The following LHFPL3 variants were observed in gnomAD, a reference collection of about 807,000 sequenced individuals.
The protein encoded by LHFPL3 is LHFPL tetraspan subfamily member 3 protein.
In LHFPL3, 5 loss-of-function variants were observed where a neutral mutation model predicts 19.3. The observed-to-expected ratio is 0.26, with a 90% CI of 0.14 to 0.54. LHFPL3 has a LOEUF of 0.54. LHFPL3 is among the 20% of genes least tolerant of loss of function. The pLI is 0.94. For missense variants in LHFPL3, 249 were observed against 307.4 expected (o/e 0.81, Z 1.42); for synonymous variants, 133 against 126.2 (o/e 1.05, Z -0.36).
chr7:104,556,637 C>T (rs1445611855), intron 1 of LHFPL3, among the ~76,000 whole-genome samples: 1 of 152,190 alleles, frequency 6.6e-6, no homozygotes, highest in Non-Finnish European at 1.5e-5. Context: ...TCTGACATGC[C>T]CTGGAGACAT....
chr7:104,821,409 G>T (rs911794517), intron 2 of LHFPL3, among the ~76,000 whole-genome samples: 3 of 152,266 alleles, frequency 2.0e-5, no homozygotes, highest in African/African-American at 7.2e-5. Context: ...GTGGGCAAGA[G>T]CCGGTTTCAT....
chr7:104,800,501 C>T (rs560740181), intron 2 of LHFPL3, among the ~76,000 whole-genome samples: 2 of 152,318 alleles, frequency 1.3e-5, no homozygotes, highest in South Asian at 4.1e-4. Context: ...TTGTCTCAAA[C>T]ACCCACAACC....
intron 1 of LHFPL3, among the ~76,000 whole-genome samples, chr7:104,627,748 C>T (rs894674657): frequency 6.6e-6 from 1 of 152,158 alleles, no homozygotes; most frequent in Non-Finnish European, 1.5e-5. Context: ...GGGACAGTTC[C>T]TTGCACACTG....
intron 2 of LHFPL3, among the ~76,000 whole-genome samples, chr7:104,808,840 C>CTGT (rs1432579064): frequency 6.6e-6 from 1 of 151,034 alleles, no homozygotes; most frequent in African/African-American, 2.4e-5. Context: ...TCATTAATCA[C>CTGT]TGTTTGGTCC....
intron 1 of LHFPL3, among the ~76,000 whole-genome samples, chr7:104,485,889 CT>C (rs1793226207): frequency 6.6e-6 from 1 of 152,102 alleles, no homozygotes; most frequent in African/African-American, 2.4e-5. Flanking sequence ...GTTTTCTGTC[CT>C]TGTGTCTATC....
chr7:104,407,055 T>C (rs986306031), intron 1 of LHFPL3, among the ~76,000 whole-genome samples: 2 of 152,110 alleles, frequency 1.3e-5, no homozygotes, highest in Admixed American at 6.5e-5. Flanking sequence ...TGTTGTACAA[T>C]GGGGATCACA....
At chr7:104,466,777 G>T (rs921187050) in intron 1 of LHFPL3, among the ~76,000 whole-genome samples, 1 of 152,206 alleles carries the variant, frequency 6.6e-6, no homozygotes, top group African/African-American at 2.4e-5. Flanking sequence ...CTTCTGGTGA[G>T]AATCAAATGA....
chr7:104,587,168 G>A (rs182078127), intron 1 of LHFPL3, among the ~76,000 whole-genome samples: 8 of 152,154 alleles, frequency 5.3e-5, no homozygotes, highest in Admixed American at 1.3e-4. Flanking sequence ...TGTGCACAAC[G>A]TGCAGGTCTG....
At chr7:104,882,487 A>T (rs1394403866) in intron 2 of LHFPL3, among the ~76,000 whole-genome samples, 1 of 152,152 alleles carries the variant, frequency 6.6e-6, no homozygotes, top group African/African-American at 2.4e-5. Flanking sequence ...ACCTCAGATG[A>T]TCTGCCCACC....
At chr7:104,820,424 C>T (rs545151032) in intron 2 of LHFPL3, among the ~76,000 whole-genome samples, 2 of 152,256 alleles carry the variant, frequency 1.3e-5, no homozygotes, top group African/African-American at 4.8e-5. Context: ...TTTTCATAAG[C>T]CAACCATGCC....
At chr7:104,580,858 A>G (rs1790447118) in intron 1 of LHFPL3, among the ~76,000 whole-genome samples, 1 of 152,034 alleles carries the variant, frequency 6.6e-6, no homozygotes, top group African/African-American at 2.4e-5. Context: ...ATGTTGTTGC[A>G]TGTATCACAA....
rs141541801 is a variant in LHFPL3, at chr7:104,450,983, G to A, written c.445+121759G>A. ...TGAATGGATGTGGCTCCTACAAACCGTCCTCAACTTCTTCCCTTCACCCTT... is the reference window on the plus strand; with the variant it reads ...TGAATGGATGTGGCTCCTACAAACCATCCTCAACTTCTTCCCTTCACCCTT... On this transcript the variant is annotated intron_variant, in intron 1 of 2. Transcript: ENST00000424859. Among the ~76,000 whole-genome samples the A allele has an allele frequency of 2.5e-3, 378 of 152,146 alleles. 3 individuals carry two copies. Among genetic ancestry groups the A allele is most frequent in the African/African-American group, 8.5e-3 (351 of 41,498 alleles).
intron 2 of LHFPL3, among the ~76,000 whole-genome samples, chr7:104,747,431 T>TC (rs946328223): frequency 1.6e-3 from 249 of 152,142 alleles, no homozygotes; most frequent in African/African-American, 4.3e-3. Flanking sequence ...AAGACAAGAA[T>TC]CCCCCGTGTA....
rs1554393201 is a variant in LHFPL3 at position 104,430,436 on chromosome 7, A to ATG, written c.445+101213_445+101214insGT. ...TATATATACATATATATATATATATATATATATATATATATATATTTTTTT... is the reference window on the plus strand; with the variant it reads ...TATATATACATATATATATATATATATGTATATATATATATATATATTTTTTT... On this transcript the variant is annotated intron_variant, in intron 1 of 2. Coordinates refer to ENST00000424859, the MANE Select transcript of LHFPL3 (RefSeq NM_199000.3). Among the ~76,000 whole-genome samples, 34 of 13,082 alleles carry ATG rather than the reference A, an allele frequency of 2.6e-3. 1 individual carries two copies. Among genetic ancestry groups the ATG allele is most frequent in the Non-Finnish European group, 4.3e-3 (31 of 7,214 alleles). The allele number at this position is 13,082 out of a possible 152,430, so 8.6% of individuals were successfully genotyped here. A position where few individuals can be genotyped will look rare whatever the true frequency, so the allele number is the denominator to read the frequency against.
At position 104,736,737 on chromosome 7, in the gene LHFPL3, C is replaced by T. The variant is rs767910543; in HGVS notation, c.508C>T (p.Arg170Trp). 10 of 1,613,482 alleles carry T rather than the reference C, an allele frequency of 6.2e-6. No homozygotes were observed. Among genetic ancestry groups the T allele is most frequent in the African/African-American group, 2.7e-5 (2 of 74,820 alleles). The part of the protein sequence containing the change: ...PDGWDSDEVK[R>W]MCGEKTDKYT... ...TGGCTGGGACTCAGATGAAGTAAAACGGATGTGTGGAGAAAAGACAGACAA... is the reference window on the plus strand; with the variant it reads ...TGGCTGGGACTCAGATGAAGTAAAATGGATGTGTGGAGAAAAGACAGACAA... Residue 170 changes from arginine (R) to tryptophan (W), a missense_variant, in exon 2 of 3, where the codon CGG (arginine) becomes TGG (tryptophan). By Grantham distance (101) the Arg-to-Trp change is moderately radical (BLOSUM62 -3). Transcript: ENST00000424859.
intron 1 of LHFPL3, among the ~76,000 whole-genome samples, chr7:104,625,637 T>C (rs200721504): frequency 1.3e-5 from 2 of 152,294 alleles, no homozygotes; most frequent in East Asian, 1.9e-4. Context: ...ACATCACCAA[T>C]CATCTGTGAT....
At chr7:104,728,561 TG>T (rs1252178757) in intron 1 of LHFPL3, among the ~76,000 whole-genome samples, 1 of 152,156 alleles carries the variant, frequency 6.6e-6, no homozygotes, top group African/African-American at 2.4e-5. Flanking sequence ...CAATATCACT[TG>T]TCTAGTTTTC....
At chr7:104,766,657 C>T (rs926113653) in intron 2 of LHFPL3, among the ~76,000 whole-genome samples, 1 of 152,120 alleles carries the variant, frequency 6.6e-6, no homozygotes, top group African/African-American at 2.4e-5. Context: ...GTTTGAAAAC[C>T]ATACTTCTAA....
chr7:104,881,918 G>A (rs748084031), intron 2 of LHFPL3, among the ~76,000 whole-genome samples: 2 of 152,048 alleles, frequency 1.3e-5, no homozygotes, highest in South Asian at 4.1e-4. Flanking sequence ...GCAAAAATTC[G>A]TTCATTAATT....
Sources: gnomAD v4.1 joint callset for allele counts (sites outside exome capture counted in the v4.1 genomes callset) on GRCh38, gnomAD v4.1.1 for gene constraint, MANE v1.5 for transcripts, NCBI Gene and HGNC (gene_info 2026-07-23, HGNC 2026-07-21) for gene names.